HEMK2: variants seen among roughly 807,000 people sequenced by gnomAD.
The protein encoded by HEMK2 is HemK methyltransferase 2, ETF1 glutamine and histone H4 lysine, also known as methyltransferase HEMK2.
At chr21:28,676,960 C>T in the HEMK2 span, among the ~76,000 whole-genome samples, 1 of 152,178 alleles carries the variant, frequency 6.6e-6, no homozygotes, top group East Asian at 1.9e-4. Context: ...GTCTACAGCT[C>T]CCAGCGTGAG....
At chr21:28,775,249 T>C in the HEMK2 span, among the ~76,000 whole-genome samples, 1 of 152,120 alleles carries the variant, frequency 6.6e-6, no homozygotes, top group African/African-American at 2.4e-5. Flanking sequence ...CTAGAGATGA[T>C]CATTTACTGA....
chr21:28,754,410 C>T, the HEMK2 span, among the ~76,000 whole-genome samples: 24 of 152,304 alleles, frequency 1.6e-4, no homozygotes, highest in African/African-American at 5.5e-4. Context: ...TGACATTACT[C>T]AGCAGCACAT....
At chr21:28,674,583 A>G in the HEMK2 span, 2 of 152,210 alleles carry the variant, frequency 1.3e-5, no homozygotes, top group African/African-American at 4.8e-5. Context: ...TCACTCCTTG[A>G]TTGCCCAACT....
chr21:28,736,843 C>G, the HEMK2 span, among the ~76,000 whole-genome samples: 3 of 150,968 alleles, frequency 2.0e-5, no homozygotes, highest in Non-Finnish European at 4.4e-5. Context: ...ATAAAAGTCA[C>G]AACTGATCCA....
chr21:28,871,415 C>T, the HEMK2 span, among the ~76,000 whole-genome samples: 1 of 152,120 alleles, frequency 6.6e-6, no homozygotes. Context: ...GCTAAGAACT[C>T]ACTATCACGA....
At chr21:28,854,895 A>G in the HEMK2 span, among the ~76,000 whole-genome samples, 1 of 152,170 alleles carries the variant, frequency 6.6e-6, no homozygotes, top group African/African-American at 2.4e-5. Context: ...CCTTCAATCC[A>G]ATCAAGTTGA....
chr21:28,874,966 G>T, the HEMK2 span: 1 of 152,260 alleles, frequency 6.6e-6, no homozygotes, highest in African/African-American at 2.4e-5. Context: ...CCAGAGGTGA[G>T]ATGTAGTGCT....
the HEMK2 span, among the ~76,000 whole-genome samples, chr21:28,785,853 TA>T: frequency 6.6e-6 from 1 of 152,216 alleles, no homozygotes; most frequent in Non-Finnish European, 1.5e-5. Context: ...TCCTTACCAT[TA>T]GCATATTTTA....
the HEMK2 span, among the ~76,000 whole-genome samples, chr21:28,648,644 G>T: frequency 6.6e-6 from 1 of 152,156 alleles, no homozygotes; most frequent in Non-Finnish European, 1.5e-5. Context: ...GATCTTCTAT[G>T]TTGTGATTCT....
chr21:28,834,075 C>G, the HEMK2 span, among the ~76,000 whole-genome samples: 1 of 152,202 alleles, frequency 6.6e-6, no homozygotes, highest in East Asian at 1.9e-4. Flanking sequence ...CTTCTGGGAG[C>G]CTGGAGCTTC....
chr21:28,720,238 T>C, the HEMK2 span, among the ~76,000 whole-genome samples: 1 of 152,230 alleles, frequency 6.6e-6, no homozygotes, highest in African/African-American at 2.4e-5. Flanking sequence ...GATGATCAGA[T>C]AGTGAACATA....
the HEMK2 span, among the ~76,000 whole-genome samples, chr21:28,724,746 G>C: frequency 1.3e-5 from 2 of 151,724 alleles, no homozygotes; most frequent in African/African-American, 4.9e-5. Context: ...TGACAGATCA[G>C]CTTCTTCACT....
At chr21:28,760,190 A>T in the HEMK2 span, among the ~76,000 whole-genome samples, 4 of 152,222 alleles carry the variant, frequency 2.6e-5, no homozygotes, top group Non-Finnish European at 5.9e-5. Flanking sequence ...ATGATTGAAA[A>T]GGAAATCCCT....
chr21:28,833,378 A>G, the HEMK2 span, among the ~76,000 whole-genome samples: 1 of 152,190 alleles, frequency 6.6e-6, no homozygotes, highest in South Asian at 2.1e-4. Context: ...TTACATTCCT[A>G]GAAGTACTGT....
the HEMK2 span, among the ~76,000 whole-genome samples, chr21:28,822,197 G>C: frequency 6.6e-6 from 1 of 152,152 alleles, no homozygotes; most frequent in African/African-American, 2.4e-5. Flanking sequence ...AATCAGTTTA[G>C]AAGCACTCAG....
chr21:28,812,395 G>A, the HEMK2 span, among the ~76,000 whole-genome samples: 1 of 152,148 alleles, frequency 6.6e-6, no homozygotes, highest in African/African-American at 2.4e-5. Flanking sequence ...CATCTATTGA[G>A]ATAATCATGT....
At chr21:28,839,000 T>TATACACAC in the HEMK2 span, among the ~76,000 whole-genome samples, 1 of 58,016 alleles carries the variant, frequency 1.7e-5, no homozygotes, top group African/African-American at 6.7e-5. Context: ...TATATATATA[T>TATACACAC]ACATATATAT....
chr21:28,678,443 G>C, the HEMK2 span, among the ~76,000 whole-genome samples: 3 of 152,172 alleles, frequency 2.0e-5, no homozygotes, highest in Non-Finnish European at 2.9e-5. Context: ...CTGACGGGGA[G>C]AATGGAACCA....
chr21:28,696,917 T>TA, the HEMK2 span, among the ~76,000 whole-genome samples: 1 of 152,218 alleles, frequency 6.6e-6, no homozygotes, highest in African/African-American at 2.4e-5. Context: ...TGGCCTCTTC[T>TA]AGCCATGGCT....
Sources: gnomAD v4.1 joint callset for allele counts (sites outside exome capture counted in the v4.1 genomes callset) on GRCh38, gnomAD v4.1.1 for gene constraint, MANE v1.5 for transcripts, NCBI Gene and HGNC (gene_info 2026-07-23, HGNC 2026-07-21) for gene names.